Variants in AGMO observed in about 807,000 individuals in gnomAD.
AGMO encodes alkylglycerol monooxygenase, also known as glyceryl-ether monooxygenase.
In AGMO, 75 loss-of-function variants were observed where a neutral mutation model predicts 60.2. That is an observed-to-expected ratio of 1.25 (90% CI 1.03 to 1.51). AGMO has a LOEUF of 1.51. Ranked by LOEUF, AGMO falls within the 40% of genes most tolerant of loss-of-function variation. AGMO has a pLI of 0.00. For synonymous variants in AGMO, 261 were observed against 177.1 expected (o/e 1.47, Z -3.76); for missense variants, 763 against 525.5 (o/e 1.45, Z -4.42).
At position 15,278,933 on chromosome 7, in the gene AGMO, G is replaced by A. The variant is rs756713683; in HGVS notation, c.1264-77574C>T. ...CCATTTAGCAGTGGGTTGGGGAGGC[G>A]GGGAGTCGTGTGGTGTGTAGTCTGC... On this transcript the variant is annotated intron_variant, in intron 12 of 12. Coordinates refer to ENST00000342526, the MANE Select transcript of AGMO (RefSeq NM_001004320.2). 9.2e-5 allele frequency among the ~76,000 whole-genome samples: 14 copies of A among 152,302 alleles called. No individual in the cohort carries two copies. The South Asian group carries it at 1.9e-3, about 20-fold the overall frequency.
intron 4 of AGMO, among the ~76,000 whole-genome samples, chr7:15,423,904 C>A (rs559481042): frequency 4.7e-4 from 72 of 152,254 alleles, no homozygotes; most frequent in African/African-American, 1.7e-3. Context: ...AGATAAATTT[C>A]TGTTGTTCTA....
intron 10 of AGMO, among the ~76,000 whole-genome samples, chr7:15,368,606 TAA>T (rs886219763): frequency 2.6e-5 from 4 of 152,250 alleles, no homozygotes; most frequent in South Asian, 2.1e-4. Context: ...ATTAAATACT[TAA>T]AAGAGTGTTT....
chr7:15,193,688 A>T, the AGMO span, among the ~76,000 whole-genome samples: 1 of 152,292 alleles, frequency 6.6e-6, no homozygotes, highest in Admixed American at 6.5e-5. Context: ...ATCTTTACTG[A>T]TATTTGTCTA....
chr7:15,400,094 C>G (rs71540704), intron 5 of AGMO, among the ~76,000 whole-genome samples: 3,132 of 152,226 alleles, frequency 0.021, 49 homozygotes, highest in Non-Finnish European at 0.037. Flanking sequence ...TACTATATTG[C>G]AAGTTTCATG....
At chr7:15,129,294 G>T in the AGMO span, among the ~76,000 whole-genome samples, 16 of 132,274 alleles carry the variant, frequency 1.2e-4, no homozygotes, top group African/African-American at 3.8e-4. Context: ...CCTGGCCATT[G>T]TTCAGTTGTA....
intron 12 of AGMO, among the ~76,000 whole-genome samples, chr7:15,352,320 A>G (rs998286213): frequency 3.3e-5 from 5 of 152,166 alleles, no homozygotes; most frequent in Non-Finnish European, 7.4e-5. Context: ...TAAACCCTGG[A>G]AAATTCCTTC....
intron 10 of AGMO, among the ~76,000 whole-genome samples, chr7:15,369,186 G>T (rs1783102786): frequency 6.6e-6 from 1 of 151,934 alleles, no homozygotes; most frequent in Non-Finnish European, 1.5e-5. Flanking sequence ...ACCCCAAGAT[G>T]ATCTCCCCAA....
chr7:15,488,023 G>C (rs1190720914), intron 3 of AGMO, among the ~76,000 whole-genome samples: 1 of 151,894 alleles, frequency 6.6e-6, no homozygotes, highest in African/African-American at 2.4e-5. Flanking sequence ...AATTTTCCCC[G>C]AGATCTGTTT....
At chr7:15,387,207 T>G (rs1466365893) in intron 9 of AGMO, among the ~76,000 whole-genome samples, 199 bp downstream of exon 9, 1 of 152,218 alleles carries the variant, frequency 6.6e-6, no homozygotes, top group Non-Finnish European at 1.5e-5. Flanking sequence ...AAGGCAGTGT[T>G]CACCTGGGAG....
chr7:15,358,454 T>G (rs1275298013), intron 12 of AGMO: 1 of 470,712 alleles, frequency 2.1e-6, no homozygotes, highest in Non-Finnish European at 4.4e-6. Flanking sequence ...TCCTAAAGGG[T>G]GAGATACGTA....
intron 12 of AGMO, among the ~76,000 whole-genome samples, chr7:15,231,321 A>G (rs1782252240): frequency 2.0e-5 from 3 of 152,098 alleles, no homozygotes; most frequent in Non-Finnish European, 1.5e-5. Context: ...TATGAATACG[A>G]TAGTTTGATG....
chr7:15,137,590 T>C, the AGMO span, among the ~76,000 whole-genome samples: 1 of 152,130 alleles, frequency 6.6e-6, no homozygotes, highest in Non-Finnish European at 1.5e-5. Context: ...ACATGTACAA[T>C]CAAGTGCAGA....
chr7:15,166,186 G>A, the AGMO span, among the ~76,000 whole-genome samples: 1 of 152,166 alleles, frequency 6.6e-6, no homozygotes, highest in African/African-American at 2.4e-5. Context: ...AGCCAGATAA[G>A]AAGGATCGGT....
At chr7:15,427,375 G>A (rs770592232) in intron 4 of AGMO, among the ~76,000 whole-genome samples, 1 of 152,010 alleles carries the variant, frequency 6.6e-6, no homozygotes, top group African/African-American at 2.4e-5. Flanking sequence ...TTCCCCTATT[G>A]CTAACACATT....
At chr7:15,245,710 T>A (rs1782720286) in intron 12 of AGMO, among the ~76,000 whole-genome samples, 1 of 152,198 alleles carries the variant, frequency 6.6e-6, no homozygotes, top group Non-Finnish European at 1.5e-5. Context: ...CTCATGATAA[T>A]TTAACCACTT....
intron 3 of AGMO, among the ~76,000 whole-genome samples, chr7:15,484,461 A>C (rs566497804): frequency 6.6e-6 from 1 of 152,306 alleles, no homozygotes; most frequent in Non-Finnish European, 1.5e-5. Flanking sequence ...GAGGAAGTTC[A>C]AGATGGCTAT....
intron 12 of AGMO, among the ~76,000 whole-genome samples, chr7:15,354,048 T>C (rs1440026284): frequency 6.6e-6 from 1 of 152,086 alleles, no homozygotes; most frequent in Admixed American, 6.5e-5. Context: ...CAATACTATG[T>C]TCTAATATTG....
intron 4 of AGMO, among the ~76,000 whole-genome samples, chr7:15,428,698 G>A (rs1781138921): frequency 2.6e-5 from 4 of 152,000 alleles, no homozygotes; most frequent in Admixed American, 2.6e-4. Flanking sequence ...ATTTCTTCTA[G>A]TTCTGAAGTC....
intron 3 of AGMO, among the ~76,000 whole-genome samples, chr7:15,497,991 G>C (rs1783278804): frequency 6.6e-6 from 1 of 151,918 alleles, no homozygotes; most frequent in Admixed American, 6.6e-5. Context: ...GTAGCAAGAA[G>C]ACTCTTCAAG....
Sources: gnomAD v4.1 joint callset for allele counts (sites outside exome capture counted in the v4.1 genomes callset) on GRCh38, gnomAD v4.1.1 for gene constraint, MANE v1.5 for transcripts, NCBI Gene and HGNC (gene_info 2026-07-23, HGNC 2026-07-21) for gene names.